STXBP6: variants seen among roughly 807,000 people sequenced by gnomAD.
STXBP6 encodes syntaxin binding protein 6, also known as syntaxin-binding protein 6.
In STXBP6, 21 loss-of-function variants were observed where a neutral mutation model predicts 26.9. The ratio of observed to expected loss-of-function variants is 0.78; its 90% CI spans 0.55 to 1.12. The LOEUF is 1.12. Among genes scored for constraint, STXBP6 ranks in the 50% most tolerant of loss-of-function variants. The probability of loss-of-function intolerance (pLI) is 0.00; values close to 1 mark genes in which losing one functional copy is unlikely to be tolerated. For missense variants in STXBP6, 232 were observed against 257.9 expected (o/e 0.90, Z 0.69); for synonymous variants, 97 against 92.6 (o/e 1.05, Z -0.27).
intron 1 of STXBP6, among the ~76,000 whole-genome samples, chr14:25,023,320 G>A (rs1340203906): frequency 6.7e-6 from 1 of 150,018 alleles, no homozygotes; most frequent in Non-Finnish European, 1.5e-5. Flanking sequence ...AAAAAAAAAA[G>A]CCCGTCAGAA....
Position 24,810,354 on chromosome 14 carries a change from G to T in STXBP6, c.*2355C>A, listed in dbSNP as rs941634219. 3 of 152,242 alleles carry T rather than the reference G, an allele frequency of 2.0e-5. No homozygotes were observed. Among genetic ancestry groups the T allele is most frequent in the African/African-American group, 7.2e-5 (3 of 41,444 alleles). 9.4% of individuals were successfully genotyped at this position (152,242 alleles called of 1,614,324 possible). ...GAGGACAGCAAAGAACTTCACATGT[G>T]TTATCACTGGGCTCCTCTGCAAGAG... On this transcript the variant is annotated 3_prime_UTR_variant, in exon 6 of 6. Coordinates refer to ENST00000323944, the MANE Select transcript of STXBP6 (RefSeq NM_001394410.1).
chr14:25,013,122 G>C (rs1195291975), intron 1 of STXBP6, among the ~76,000 whole-genome samples: 1 of 152,038 alleles, frequency 6.6e-6, no homozygotes, highest in Non-Finnish European at 1.5e-5. Context: ...TCAATGTAAT[G>C]GTTTGAAACA....
At chr14:24,900,708 G>A (rs1376896324) in intron 2 of STXBP6, among the ~76,000 whole-genome samples, 1 of 152,168 alleles carries the variant, frequency 6.6e-6, no homozygotes, top group Non-Finnish European at 1.5e-5. Context: ...GATCAAAAAA[G>A]AAGGAAATGA....
intron 2 of STXBP6, among the ~76,000 whole-genome samples, chr14:24,880,408 T>G (rs1368383280): frequency 6.6e-6 from 1 of 152,200 alleles, no homozygotes; most frequent in African/African-American, 2.4e-5. Flanking sequence ...TCCACATGTT[T>G]ACTGTGCCAC....
intron 4 of STXBP6, among the ~76,000 whole-genome samples, chr14:24,841,042 C>T (rs980420789): frequency 6.6e-6 from 1 of 151,964 alleles, no homozygotes; most frequent in African/African-American, 2.4e-5. Flanking sequence ...GTATTTTTAC[C>T]ATGTTTGCAA....
At chr14:25,029,789 C>T (rs1358801045) in intron 1 of STXBP6, among the ~76,000 whole-genome samples, 1 of 152,052 alleles carries the variant, frequency 6.6e-6, no homozygotes, top group Non-Finnish European at 1.5e-5. Flanking sequence ...ATGTATAATC[C>T]CATTTGCAAT....
intron 1 of STXBP6, among the ~76,000 whole-genome samples, chr14:25,047,599 CAG>C (rs1253546600): frequency 6.6e-6 from 1 of 152,206 alleles, no homozygotes; most frequent in Admixed American, 6.5e-5. Flanking sequence ...CCTAGAGAAT[CAG>C]AGACTCTGGC....
intron 2 of STXBP6, among the ~76,000 whole-genome samples, chr14:24,892,607 A>G (rs1301781670): frequency 6.6e-6 from 1 of 151,938 alleles, no homozygotes; most frequent in Non-Finnish European, 1.5e-5. Context: ...CCCCCTCTCC[A>G]TGTTGTCTTC....
Position 24,951,113 on chromosome 14 carries a change from C to A in STXBP6, c.154+23552G>T, listed in dbSNP as rs570153887. ...CATAGTATTCCATGGTGTATATGTG[C>A]CACATTTTCTTTATCCAGTCTATCA... On this transcript the variant is annotated intron_variant, in intron 2 of 5. Transcript: ENST00000323944. Among the ~76,000 whole-genome samples the A allele has an allele frequency of 9.2e-5, 14 of 152,234 alleles. No individual in the cohort carries two copies. In the South Asian group the frequency reaches 2.9e-3, roughly 32 times the overall value.
At chr14:24,894,120 A>C (rs2070889404) in intron 2 of STXBP6, among the ~76,000 whole-genome samples, 1 of 152,242 alleles carries the variant, frequency 6.6e-6, no homozygotes, top group Non-Finnish European at 1.5e-5. Flanking sequence ...ATTAAAATTC[A>C]GCTTGCATTT....
At chr14:24,909,147 T>C (rs1046239991) in intron 2 of STXBP6, among the ~76,000 whole-genome samples, 1 of 152,230 alleles carries the variant, frequency 6.6e-6, no homozygotes, top group Admixed American at 6.5e-5. Context: ...TTCAGCATTC[T>C]TGAAAGATCA....
intron 1 of STXBP6, among the ~76,000 whole-genome samples, chr14:25,029,148 T>C (rs957978546): frequency 7.9e-5 from 12 of 152,178 alleles, no homozygotes. Context: ...TTTGAAAGGA[T>C]TGATTCCAAT....
intron 1 of STXBP6, among the ~76,000 whole-genome samples, chr14:25,019,707 T>A (rs377633730): frequency 6.6e-6 from 1 of 152,180 alleles, no homozygotes; most frequent in Non-Finnish European, 1.5e-5. Context: ...CTTTCCAGAA[T>A]CAGTAACAAA....
At chr14:25,005,649 G>A (rs533959799) in intron 1 of STXBP6, among the ~76,000 whole-genome samples, 55 of 152,218 alleles carry the variant, frequency 3.6e-4, no homozygotes, top group Admixed American at 7.2e-4. Context: ...CACTTTTGTG[G>A]AGTCAAATTT....
At chr14:24,870,429 T>A (rs1454536881) in intron 2 of STXBP6, among the ~76,000 whole-genome samples, 6 of 152,188 alleles carry the variant, frequency 3.9e-5, no homozygotes, top group Non-Finnish European at 7.4e-5. Context: ...ACATGTACGG[T>A]TTGTACTTCT....
chr14:24,908,892 T>G (rs2071474376), intron 2 of STXBP6, among the ~76,000 whole-genome samples: 1 of 151,986 alleles, frequency 6.6e-6, no homozygotes, highest in African/African-American at 2.4e-5. Context: ...GCAGCTAAAC[T>G]CTAGATTACA....
intron 2 of STXBP6, among the ~76,000 whole-genome samples, chr14:24,967,978 C>T (rs1227457294): frequency 1.3e-5 from 2 of 152,068 alleles, no homozygotes; most frequent in African/African-American, 2.4e-5. Context: ...GTGACCCCGG[C>T]AGATCATGAC....
chr14:24,973,225 G>T (rs1343929964), intron 2 of STXBP6, among the ~76,000 whole-genome samples: 1 of 152,098 alleles, frequency 6.6e-6, no homozygotes, highest in African/African-American at 2.4e-5. Flanking sequence ...TGAGGCCCTA[G>T]AATATGCCCG....
intron 2 of STXBP6, among the ~76,000 whole-genome samples, chr14:24,869,154 G>T (rs1187159501): frequency 6.6e-6 from 1 of 152,078 alleles, no homozygotes; most frequent in Non-Finnish European, 1.5e-5. Flanking sequence ...CTACCTATTT[G>T]CTGTATGTAC....
Sources: gnomAD v4.1 joint callset for allele counts (sites outside exome capture counted in the v4.1 genomes callset) on GRCh38, gnomAD v4.1.1 for gene constraint, MANE v1.5 for transcripts, NCBI Gene and HGNC (gene_info 2026-07-23, HGNC 2026-07-21) for gene names.